Variants in GRIA4 observed in about 807,000 individuals in gnomAD.
GRIA4 encodes glutamate ionotropic receptor AMPA type subunit 4.
GRIA4 carries 34 observed loss-of-function variants against 104.0 expected under a neutral mutation model. The observed-to-expected ratio is 0.33, with a 90% CI of 0.25 to 0.44. GRIA4 has a LOEUF of 0.44. Among genes scored for constraint, GRIA4 ranks in the 20% least tolerant of loss-of-function variants. The probability of loss-of-function intolerance (pLI) is 1.00; values close to 1 mark genes in which losing one functional copy is unlikely to be tolerated. For synonymous variants in GRIA4, 386 were observed against 381.9 expected, an observed-to-expected ratio of 1.01 and a Z score of -0.13; for missense variants, 750 against 1,096.5, an observed-to-expected ratio of 0.68 and a Z score of 4.46.
chr11:105,948,509 T>TA (rs1171496110), intron 14 of GRIA4, among the ~76,000 whole-genome samples: 1 of 151,190 alleles, frequency 6.6e-6, no homozygotes, highest in Non-Finnish European at 1.5e-5. Context: ...ATTTTTAAAA[T>TA]AAAAATAAAT....
Position 105,777,448 on chromosome 11 carries a change from T to C in GRIA4, c.487+24228T>C, listed in dbSNP as rs138209820. ...CTCCCAAATGAGATGAAACATTCTATGTATTTAATATTTATGTGTCTTTCC... is the reference window on the plus strand; with the variant it reads ...CTCCCAAATGAGATGAAACATTCTACGTATTTAATATTTATGTGTCTTTCC... On this transcript the variant is annotated intron_variant, in intron 4 of 16. Coordinates refer to ENST00000282499, the MANE Select transcript of GRIA4 (RefSeq NM_000829.4). 9.5e-3 allele frequency among the ~76,000 whole-genome samples: 1,447 copies of C among 152,296 alleles called. 31 individuals carry two copies. Among genetic ancestry groups the C allele is most frequent in the African/African-American group, 0.033 (1,378 of 41,580 alleles).
intron 3 of GRIA4, among the ~76,000 whole-genome samples, chr11:105,711,559 C>T (rs945877337): frequency 7.2e-5 from 11 of 151,954 alleles, no homozygotes; most frequent in East Asian, 1.9e-4. Flanking sequence ...CTCTCACCGG[C>T]GAAATAACCT....
chr11:105,634,291 G>A (rs1951118964), intron 3 of GRIA4, among the ~76,000 whole-genome samples: 1 of 149,580 alleles, frequency 6.7e-6, no homozygotes, highest in Admixed American at 6.7e-5. Flanking sequence ...AGGTTGTAGT[G>A]AGCCAGGACT....
At chr11:105,858,676 C>T (rs909819184) in intron 4 of GRIA4, among the ~76,000 whole-genome samples, 16 of 152,196 alleles carry the variant, frequency 1.1e-4, no homozygotes, top group African/African-American at 3.9e-4. Flanking sequence ...TCCTTCCCAG[C>T]CTCTGGTAAC....
intron 4 of GRIA4, among the ~76,000 whole-genome samples, chr11:105,772,946 G>T (rs1941278036): frequency 1.3e-5 from 2 of 151,840 alleles, no homozygotes; most frequent in Admixed American, 1.3e-4. Flanking sequence ...AACTCAAGAA[G>T]CTAAAAAAAG....
chr11:105,714,165 C>T (rs1227371069), intron 3 of GRIA4, among the ~76,000 whole-genome samples: 1 of 151,774 alleles, frequency 6.6e-6, no homozygotes, highest in African/African-American at 2.4e-5. Flanking sequence ...GGTTTTGCTT[C>T]TCAAAACTTG....
Position 105,692,960 on chromosome 11 carries a change from C to G in GRIA4, c.248-60021C>G, listed in dbSNP as rs142433463. On this transcript the variant is annotated intron_variant, in intron 3 of 16. Transcript: ENST00000282499. ...CTTCTCAAAAAGAAAAAAACACACA[C>G]GCTAGACTCTGAAGTCATCATATTC... Among the ~76,000 whole-genome samples, 540 of 152,252 alleles carry G rather than the reference C, an allele frequency of 3.5e-3. 3 individuals are homozygous for G. Among genetic ancestry groups the G allele is most frequent in the African/African-American group, 0.012 (516 of 41,560 alleles).
intron 2 of GRIA4, among the ~76,000 whole-genome samples, chr11:105,611,512 G>T (rs1950480456): frequency 6.6e-6 from 1 of 152,048 alleles, no homozygotes; most frequent in Non-Finnish European, 1.5e-5. Flanking sequence ...TGCTATTACA[G>T]AAAGACACTG....
intron 3 of GRIA4, among the ~76,000 whole-genome samples, chr11:105,661,920 T>G (rs1952022308): frequency 6.6e-6 from 1 of 151,736 alleles, no homozygotes. Context: ...AAATTTAAAA[T>G]GACTATATTT....
intron 3 of GRIA4, among the ~76,000 whole-genome samples, chr11:105,719,761 G>A (rs1234561515): frequency 6.6e-6 from 1 of 150,806 alleles, no homozygotes; most frequent in Non-Finnish European, 1.5e-5. Flanking sequence ...GCTCTATAGG[G>A]AAAGTCAATG....
chr11:105,777,913 A>T lies in GRIA4; in HGVS notation c.487+24693A>T, dbSNP rs1047093541. On this transcript the variant is annotated intron_variant, in intron 4 of 16. Coordinates refer to ENST00000282499, the MANE Select transcript of GRIA4 (RefSeq NM_000829.4). ...GCAGAGACCTCAGAAAGAGACAGAGATCGAGAACTGAATGAAGAACCATCC... is the reference window on the plus strand; with the variant it reads ...GCAGAGACCTCAGAAAGAGACAGAGTTCGAGAACTGAATGAAGAACCATCC... 5.3e-5 allele frequency among the ~76,000 whole-genome samples: 8 copies of T among 152,202 alleles called. No homozygotes were observed. In the South Asian group the frequency reaches 1.2e-3, roughly 24 times the overall value.
intron 3 of GRIA4, among the ~76,000 whole-genome samples, chr11:105,708,647 G>A (rs1356330562): frequency 6.6e-6 from 1 of 151,964 alleles, no homozygotes; most frequent in African/African-American, 2.4e-5. Flanking sequence ...AAGTGTATTG[G>A]TTAGCAATTC....
intron 13 of GRIA4, among the ~76,000 whole-genome samples, chr11:105,932,070 T>G (rs989378754): frequency 1.3e-5 from 2 of 151,992 alleles, no homozygotes; most frequent in East Asian, 3.9e-4. Context: ...TGGATTCAGA[T>G]ACAAAATTGC....
At chr11:105,857,950 T>C (rs1945072702) in intron 4 of GRIA4, among the ~76,000 whole-genome samples, 1 of 152,132 alleles carries the variant, frequency 6.6e-6, no homozygotes, top group Non-Finnish European at 1.5e-5. Context: ...TCTGAATTGG[T>C]ACTCATGCAA....
intron 3 of GRIA4, among the ~76,000 whole-genome samples, chr11:105,639,038 C>T (rs181169057): frequency 6.6e-5 from 10 of 152,172 alleles, no homozygotes; most frequent in Admixed American, 2.6e-4. Context: ...TCTCTTAAAA[C>T]GATGAACCAA....
intron 3 of GRIA4, among the ~76,000 whole-genome samples, chr11:105,703,193 A>G (rs974629811): frequency 2.6e-5 from 4 of 152,208 alleles, no homozygotes; most frequent in African/African-American, 9.6e-5. Context: ...CAGTTAGATA[A>G]TAAAACAAAA....
chr11:105,805,972 A>G (rs1942937677), intron 4 of GRIA4, among the ~76,000 whole-genome samples: 1 of 151,892 alleles, frequency 6.6e-6, no homozygotes. Context: ...AAAACAACAA[A>G]GAACCAAAGC....
At chr11:105,739,317 G>T (rs1393323122) in intron 3 of GRIA4, among the ~76,000 whole-genome samples, 2 of 152,092 alleles carry the variant, frequency 1.3e-5, no homozygotes, top group African/African-American at 4.8e-5. Context: ...GTTTAATTTA[G>T]AATTGAAATG....
chr11:105,941,081 A>G (rs1289576498), intron 14 of GRIA4, among the ~76,000 whole-genome samples: 1 of 152,174 alleles, frequency 6.6e-6, no homozygotes, highest in Non-Finnish European at 1.5e-5. Context: ...GAAAATTGCC[A>G]TTCAGCTCTT....
Sources: gnomAD v4.1 joint callset for allele counts (sites outside exome capture counted in the v4.1 genomes callset) on GRCh38, gnomAD v4.1.1 for gene constraint, MANE v1.5 for transcripts, NCBI Gene and HGNC (gene_info 2026-07-23, HGNC 2026-07-21) for gene names.